Variants in SUCLG2 observed in about 807,000 individuals in gnomAD.
SUCLG2 encodes the protein succinate--CoA ligase [GDP-forming] subunit beta, mitochondrial.
Under a neutral mutation model 47.9 loss-of-function variants are expected in SUCLG2, and 42 were observed. The ratio of observed to expected loss-of-function variants is 0.88; its 90% confidence interval spans 0.69 to 1.14. The LOEUF (loss-of-function observed/expected upper bound fraction) is 1.14. Ranked by LOEUF, SUCLG2 falls within the 50% of genes most tolerant of loss-of-function variation. The probability of loss-of-function intolerance (pLI) is 0.00; values close to 1 mark genes in which losing one functional copy is unlikely to be tolerated. For synonymous variants in SUCLG2, 195 were observed against 197.3 expected, an observed-to-expected ratio of 0.99 and a Z score of 0.10; for missense variants, 571 against 525.9, an observed-to-expected ratio of 1.09 and a Z score of -0.84.
chr3:67,570,432 C>T (rs1275444174), intron 2 of SUCLG2, among the ~76,000 whole-genome samples: 2 of 152,122 alleles, frequency 1.3e-5, no homozygotes, highest in Admixed American at 6.5e-5. Flanking sequence ...CTTTTGTCCT[C>T]AACTTCTAGG....
At position 67,376,386 on chromosome 3, in the gene SUCLG2, T is replaced by C; in HGVS notation, c.1184-527A>G. The C allele has an allele frequency of 4.1e-6, 4 of 985,400 alleles. No individual in the cohort carries two copies. In the South Asian group the frequency reaches 1.9e-4, roughly 46 times the overall value. The allele number at this position is 985,400 out of a possible 1,614,324, so 61.0% of individuals were successfully genotyped here. A position where few individuals can be genotyped will look rare whatever the true frequency, so the allele number is the denominator to read the frequency against. The stretch of plus-strand genomic sequence containing the variant: ...CGGGCAAAGCAGCCTCTGATGGCAA[T>C]CTCTTGACTGTTCCTGGTGGATCTG... On this transcript the variant is annotated intron_variant, in intron 10 of 10. Transcript: ENST00000307227.
intron 2 of SUCLG2, among the ~76,000 whole-genome samples, chr3:67,595,865 G>A (rs1447235365): frequency 2.6e-5 from 4 of 152,228 alleles, no homozygotes; most frequent in African/African-American, 7.2e-5. Flanking sequence ...GAGAGCATAA[G>A]TAAATGAAAG....
At chr3:67,545,507 T>G (rs1415250549) in intron 2 of SUCLG2, among the ~76,000 whole-genome samples, 2 of 152,212 alleles carry the variant, frequency 1.3e-5, no homozygotes, top group African/African-American at 2.4e-5. Flanking sequence ...GCATTCATTG[T>G]TTTTGAAATC....
intron 2 of SUCLG2, among the ~76,000 whole-genome samples, chr3:67,549,683 G>A (rs1404549427): frequency 6.6e-6 from 1 of 152,126 alleles, no homozygotes; most frequent in Non-Finnish European, 1.5e-5. Flanking sequence ...CCTGGTAAGA[G>A]GAGTAACAGT....
intron 6 of SUCLG2, among the ~76,000 whole-genome samples, chr3:67,515,748 C>T (rs1055327583): frequency 5.9e-5 from 9 of 152,140 alleles, no homozygotes; most frequent in African/African-American, 2.2e-4. Flanking sequence ...TCATTGTACA[C>T]TGGCCCTCTA....
chr3:67,539,858 T>C (rs969353145), intron 2 of SUCLG2, among the ~76,000 whole-genome samples: 4 of 152,214 alleles, frequency 2.6e-5, no homozygotes, highest in African/African-American at 7.2e-5. Flanking sequence ...GAGGTGTTTA[T>C]AGTATTCTCT....
At chr3:67,623,301 C>A (rs1042562231) in intron 1 of SUCLG2, among the ~76,000 whole-genome samples, 8 of 152,006 alleles carry the variant, frequency 5.3e-5, no homozygotes, top group Non-Finnish European at 1.0e-4. Flanking sequence ...GACATCGAGA[C>A]CATACTGGCT....
chr3:67,504,843 T>C (rs1449675499), intron 7 of SUCLG2, among the ~76,000 whole-genome samples: 1 of 152,142 alleles, frequency 6.6e-6, no homozygotes, highest in Non-Finnish European at 1.5e-5. Flanking sequence ...AATGAATACA[T>C]GAATGCGCAG....
chr3:67,538,769 C>G (rs1372843325), intron 2 of SUCLG2, among the ~76,000 whole-genome samples: 1 of 152,176 alleles, frequency 6.6e-6, no homozygotes, highest in Non-Finnish European at 1.5e-5. Context: ...TGAAGAGGTC[C>G]TTCACAAACC....
exon 11 of SUCLG2, chr3:67,360,699 A>G (rs1451285403): frequency 2.0e-6 from 3 of 1,531,764 alleles, no homozygotes; most frequent in Non-Finnish European, 2.6e-6. Flanking sequence ...GATACCAGTT[A>G]TATTCTCATT....
intron 1 of SUCLG2, among the ~76,000 whole-genome samples, chr3:67,633,988 A>G (rs1299221448): frequency 6.6e-6 from 1 of 152,218 alleles, no homozygotes; most frequent in Admixed American, 6.5e-5. Flanking sequence ...GGAATAAAGT[A>G]TTCATTTTAT....
At chr3:67,599,719 C>CAA (rs11341706) in intron 2 of SUCLG2, among the ~76,000 whole-genome samples, 16 of 120,612 alleles carry the variant, frequency 1.3e-4, no homozygotes, top group African/African-American at 2.1e-4. Context: ...AGCCTGAAGA[C>CAA]AAAAAAAAAA....
At chr3:67,596,970 G>A (rs943392103) in intron 2 of SUCLG2, among the ~76,000 whole-genome samples, 2 of 152,142 alleles carry the variant, frequency 1.3e-5, no homozygotes, top group Non-Finnish European at 2.9e-5. Flanking sequence ...ACTGAAAGTA[G>A]AGCTCATCAA....
At chr3:67,472,285 A>G (rs1173385162) in intron 9 of SUCLG2, among the ~76,000 whole-genome samples, 1 of 152,252 alleles carries the variant, frequency 6.6e-6, no homozygotes, top group Non-Finnish European at 1.5e-5. Context: ...ACATTAAAAA[A>G]TATTTTTTTA....
At chr3:67,652,003 C>T (rs1469065802) in intron 1 of SUCLG2, among the ~76,000 whole-genome samples, 2 of 152,122 alleles carry the variant, frequency 1.3e-5, no homozygotes, top group Non-Finnish European at 2.9e-5. Context: ...ACTCTGCCTG[C>T]CTCATTCACC....
intron 8 of SUCLG2, 42 bp downstream of exon 8, chr3:67,498,092 T>C (rs1217839501): frequency 1.3e-6 from 2 of 1,557,742 alleles, no homozygotes; most frequent in Admixed American, 1.8e-5. Flanking sequence ...CTAAATTCTA[T>C]AAGAATCCAC....
intron 2 of SUCLG2, among the ~76,000 whole-genome samples, chr3:67,568,802 G>A (rs1707536485): frequency 2.0e-5 from 3 of 152,170 alleles, no homozygotes; most frequent in Non-Finnish European, 2.9e-5. Flanking sequence ...CAGGAGAATG[G>A]CGTGAACCCG....
chr3:67,585,639 G>C (rs1707994436), intron 2 of SUCLG2, among the ~76,000 whole-genome samples: 1 of 152,074 alleles, frequency 6.6e-6, no homozygotes, highest in Non-Finnish European at 1.5e-5. Context: ...GCTTCTCCCA[G>C]CTACCACTCA....
chr3:67,495,715 A>G (rs1393696882), intron 9 of SUCLG2, 83 bp downstream of exon 9: 1 of 1,549,384 alleles, frequency 6.5e-7, no homozygotes, highest in Admixed American at 1.7e-5. Context: ...TGACTTATCA[A>G]CTCTCACCAG....
Sources: allele counts gnomAD v4.1 joint callset (sites outside exome capture counted in the v4.1 genomes callset), GRCh38; gene constraint gnomAD v4.1.1; transcripts MANE v1.5; gene names NCBI Gene and HGNC (gene_info 2026-07-23, HGNC 2026-07-21).